TRHDE: variants seen among roughly 807,000 people sequenced by gnomAD.
The protein encoded by TRHDE is thyrotropin releasing hormone degrading enzyme.
Under a neutral mutation model 125.7 loss-of-function variants are expected in TRHDE, and 72 were observed. That is an observed-to-expected ratio of 0.57 (90% CI 0.47 to 0.70). The LOEUF (loss-of-function observed/expected upper bound fraction) is 0.70. Ranked by LOEUF, TRHDE falls within the 30% of genes least tolerant of loss-of-function variation. The pLI, the probability that TRHDE is intolerant of heterozygous loss-of-function variation, is 0.00. For synonymous variants in TRHDE, 509 were observed against 509.1 expected (o/e 1.00, Z 0.00); for missense variants, 1,110 against 1,327.1 (o/e 0.84, Z 2.54).
chr12:72,339,821 A>C (rs913649616), intron 2 of TRHDE, among the ~76,000 whole-genome samples: 2 of 152,150 alleles, frequency 1.3e-5, no homozygotes, highest in Admixed American at 6.5e-5. Context: ...CTAAAGGATC[A>C]TAGTTGAGTT....
At chr12:72,337,714 C>T (rs1397075618) in intron 2 of TRHDE, among the ~76,000 whole-genome samples, 1 of 151,978 alleles carries the variant, frequency 6.6e-6, no homozygotes, top group African/African-American at 2.4e-5. Context: ...CAGACGAGTT[C>T]CTGCTTATGT....
In TRHDE at chr12:72,528,689, A is replaced by G. The variant is rs59792282; in HGVS notation, c.1723-13602A>G. On this transcript the variant is annotated intron_variant, in intron 6 of 18. Transcript: ENST00000261180. ...TTTTTAGTGGAGACGGGGTTTCACC[A>G]TGTTGTTCAGGCTGGTCTCGAACTC... Among the ~76,000 whole-genome samples, 457 of 152,020 alleles carry G rather than the reference A, an allele frequency of 3.0e-3. 2 individuals carry two copies. The highest frequency in any genetic ancestry group is 0.01 in the African/African-American group (419 of 41,470).
At chr12:72,161,890 T>C (rs534351928) in intron 2 of TRHDE, among the ~76,000 whole-genome samples, 3 of 152,350 alleles carry the variant, frequency 2.0e-5, no homozygotes, top group African/African-American at 7.2e-5. Flanking sequence ...CTCATCCCAT[T>C]GTACACTTTA....
intron 2 of TRHDE, among the ~76,000 whole-genome samples, chr12:72,252,055 A>T (rs1334645483): frequency 6.6e-6 from 1 of 152,080 alleles, no homozygotes; most frequent in Non-Finnish European, 1.5e-5. Context: ...TTTGTCAGTT[A>T]TGTGGCTTGC....
chr12:72,381,710 G>T (rs1456742903), intron 3 of TRHDE, among the ~76,000 whole-genome samples: 1 of 152,162 alleles, frequency 6.6e-6, no homozygotes, highest in Non-Finnish European at 1.5e-5. Context: ...GTTTTTAATA[G>T]TGAACGAAAT....
At chr12:72,254,901 A>T (rs1309318699) in intron 2 of TRHDE, 1 of 152,230 alleles carries the variant, frequency 6.6e-6, no homozygotes, top group Non-Finnish European at 1.5e-5. Flanking sequence ...TCCAAAAATG[A>T]TGTCCCATTC....
In TRHDE at chr12:72,564,488, C is replaced by T. The variant is rs542151339; in HGVS notation, c.2042+1448C>T. Reference sequence around the variant, plus strand: ...CATAAAGGACACGCAGATGACAGAACAAATTTTGAACAAAAATATTCTGTC... The same window carrying T: ...CATAAAGGACACGCAGATGACAGAATAAATTTTGAACAAAAATATTCTGTC... On this transcript the variant is annotated intron_variant, in intron 9 of 18. Coordinates refer to ENST00000261180, the MANE Select transcript of TRHDE (RefSeq NM_013381.3). Among the ~76,000 whole-genome samples the T allele has an allele frequency of 4.6e-5, 7 of 152,110 alleles. No individual in the cohort carries two copies. The South Asian group carries it at 1.5e-3, about 32-fold the overall frequency.
Position 72,174,650 on chromosome 12 carries a change from T to C in TRHDE, n.279+68898T>C, listed in dbSNP as rs905780871. 3.9e-5 allele frequency among the ~76,000 whole-genome samples: 6 copies of C among 152,320 alleles called. No homozygotes were observed. The Middle Eastern group carries it at 0.01, about 259-fold the overall frequency. ...GAGCAATTATTTTGAAGAACGTCTT[T>C]TAGTTGGAATTTGTATGATGTTTCT... On this transcript the variant is annotated intron_variant and non_coding_transcript_variant, in intron 2 of 4. Transcript: ENST00000548156.
intron 18 of TRHDE, among the ~76,000 whole-genome samples, chr12:72,661,829 T>C (rs1187805067): frequency 6.6e-6 from 1 of 152,162 alleles, no homozygotes; most frequent in Non-Finnish European, 1.5e-5. Flanking sequence ...ATACATTGGC[T>C]ATTTTACATG....
chr12:72,102,679 G>A (rs1875096425), intron 1 of TRHDE, among the ~76,000 whole-genome samples: 1 of 152,120 alleles, frequency 6.6e-6, no homozygotes. Flanking sequence ...GCAACTCTGG[G>A]GAATCACTGA....
At position 72,286,868 on chromosome 12, in the gene TRHDE, C is replaced by G; in HGVS notation, c.1102C>G (p.Gln368Glu). ...EDGWVTDHFSQTPLMSTYYLA... is the reference protein window; with the variant it reads ...EDGWVTDHFSETPLMSTYYLA... ...TGGATGGGTTACGGATCACTTTTCA[C>G]AGACCCCTCTCATGTCCACATATTA... The change falls in exon 2 of 19, where the codon CAG (glutamine) becomes GAG (glutamate). Residue 368 changes from glutamine to glutamate, a missense_variant. Gln to Glu is a conservative substitution (Grantham distance 29). Transcript: ENST00000261180. The G allele has an allele frequency of 6.2e-7, 1 of 1,613,940 alleles. No homozygotes were observed. Among genetic ancestry groups the G allele is most frequent in the East Asian group, 2.2e-5 (1 of 44,860 alleles).
intron 1 of TRHDE, among the ~76,000 whole-genome samples, chr12:72,092,889 A>C (rs1592437139): frequency 6.6e-6 from 1 of 151,966 alleles, no homozygotes; most frequent in South Asian, 2.1e-4. Flanking sequence ...TCTTTAGCAC[A>C]CTCCTCTCCT....
intron 6 of TRHDE, among the ~76,000 whole-genome samples, chr12:72,517,066 T>C (rs1195025603): frequency 6.6e-6 from 1 of 151,958 alleles, no homozygotes. Flanking sequence ...TTGAGTATTT[T>C]GGCATCAATG....
At chr12:72,324,206 T>C (rs1276583693) in intron 2 of TRHDE, among the ~76,000 whole-genome samples, 2 of 152,104 alleles carry the variant, frequency 1.3e-5, no homozygotes, top group African/African-American at 4.8e-5. Flanking sequence ...TTTTTATTGG[T>C]TAACATCAAT....
intron 3 of TRHDE, among the ~76,000 whole-genome samples, chr12:72,406,642 T>G (rs1158394150): frequency 6.6e-6 from 1 of 152,216 alleles, no homozygotes; most frequent in East Asian, 1.9e-4. Flanking sequence ...CTTCATGAGA[T>G]ACATATTTAT....
At chr12:72,091,149 C>T (rs924840967) in intron 1 of TRHDE, among the ~76,000 whole-genome samples, 2 of 152,138 alleles carry the variant, frequency 1.3e-5, no homozygotes, top group African/African-American at 4.8e-5. Context: ...GCTGAGATTA[C>T]AGATGAAAGC....
chr12:72,622,183 G>A (rs898708260), intron 15 of TRHDE, among the ~76,000 whole-genome samples: 12 of 151,768 alleles, frequency 7.9e-5, no homozygotes, highest in Non-Finnish European at 1.8e-4. Flanking sequence ...AAAAATAAAA[G>A]GTTATGAAAA....
At chr12:72,390,450 C>CAAGTGGTATAGGTGT (rs1872576127) in intron 3 of TRHDE, among the ~76,000 whole-genome samples, 1 of 152,078 alleles carries the variant, frequency 6.6e-6, no homozygotes, top group African/African-American at 2.4e-5. Context: ...AAAAAGGTGA[C>CAAGTGGTATAGGTGT]CATTCTCATA....
chr12:72,607,520 T>A (rs75841492), intron 12 of TRHDE, among the ~76,000 whole-genome samples: 11,011 of 147,022 alleles, frequency 0.075, 486 homozygotes, highest in Admixed American at 0.14. Context: ...CAGTTTTTTT[T>A]AAAAAGTCAG....
Sources: gnomAD v4.1 joint callset for allele counts (sites outside exome capture counted in the v4.1 genomes callset) on GRCh38, gnomAD v4.1.1 for gene constraint, MANE v1.5 for transcripts, NCBI Gene and HGNC (gene_info 2026-07-23, HGNC 2026-07-21) for gene names.